ADAMTSL3: variants seen among roughly 807,000 people sequenced by gnomAD.
ADAMTSL3 encodes ADAMTS-like protein 3.
Under a neutral mutation model 201.7 loss-of-function variants are expected in ADAMTSL3, and 128 were observed. The observed-to-expected ratio is 0.63, with a 90% CI of 0.55 to 0.73. ADAMTSL3 has a LOEUF of 0.73. ADAMTSL3 is among the 30% of genes least tolerant of loss of function. The pLI is 0.00. For synonymous variants in ADAMTSL3, 738 were observed against 748.4 expected, an observed-to-expected ratio of 0.99 and a Z score of 0.23; for missense variants, 1,990 against 2,119.6, an observed-to-expected ratio of 0.94 and a Z score of 1.20.
At chr15:83,829,312 G>T (rs143248662) in intron 6 of ADAMTSL3, among the ~76,000 whole-genome samples, 7,970 of 152,152 alleles carry the variant, frequency 0.052, 242 homozygotes, top group East Asian at 0.14. Flanking sequence ...GTTTATTTGC[G>T]TAGAGCTGTT....
rs566194085 is a variant in ADAMTSL3 at position 83,949,626 on chromosome 15, A to C, written c.2490+6544A>C. On this transcript the variant is annotated intron_variant, in intron 19 of 29. Transcript: ENST00000286744. ...AGTTGTTTTAATTAACATTCCCACC[A>C]ACAATGTACAAGGGTTCCCTTTTCT... Among the ~76,000 whole-genome samples, 3 of 152,050 alleles carry C rather than the reference A, an allele frequency of 2.0e-5. No homozygotes were observed. In the South Asian group the frequency reaches 6.2e-4, roughly 32 times the overall value.
At chr15:83,902,526 C>A (rs1031468443) in intron 15 of ADAMTSL3, among the ~76,000 whole-genome samples, 3 of 152,100 alleles carry the variant, frequency 2.0e-5, no homozygotes, top group Non-Finnish European at 4.4e-5. Context: ...CGCCTCAGCC[C>A]CACAAAGTGC....
At chr15:84,001,422 A>G (rs970999374) in intron 23 of ADAMTSL3, among the ~76,000 whole-genome samples, 1 of 152,262 alleles carries the variant, frequency 6.6e-6, no homozygotes. Flanking sequence ...ACAGCATACA[A>G]AGTGGATATT....
chr15:83,898,647 T>G (rs12906247), intron 14 of ADAMTSL3, among the ~76,000 whole-genome samples: 21,093 of 152,190 alleles, frequency 0.14, 1,902 homozygotes, highest in Middle Eastern at 0.33. Flanking sequence ...GGATTTGGCA[T>G]CAGCTCTCTG....
chr15:84,016,408 C>G lies in ADAMTSL3; in HGVS notation c.4182C>G (p.Ile1394Met). Residue 1394 changes from isoleucine (I) to methionine (M), a missense_variant, in exon 25 of 30, where the codon ATC (isoleucine) becomes ATG (methionine). Physicochemically the swap from Ile to Met is conservative, Grantham distance 10 (BLOSUM62 1). Coordinates refer to ENST00000286744, the MANE Select transcript of ADAMTSL3 (RefSeq NM_207517.3). ...AACGAAGATGGCCAGAGAGTAGAAT[C>G]GTATTTCTGCAAGGACATAAAAAGT... ...LLERRWPESR[I>M]VFLQGHKKYI... 1 of 1,613,660 alleles carries G rather than the reference C, an allele frequency of 6.2e-7. No individual in the cohort carries two copies. The highest frequency in any genetic ancestry group is 8.5e-7 in the Non-Finnish European group (1 of 1,179,816).
intron 23 of ADAMTSL3, among the ~76,000 whole-genome samples, chr15:84,002,723 A>G (rs1439933681): frequency 6.6e-6 from 1 of 152,094 alleles, no homozygotes; most frequent in East Asian, 1.9e-4. Flanking sequence ...AAAGACCTCT[A>G]TGCTTTGCAA....
chr15:84,030,368 C>T (rs1012820541), intron 27 of ADAMTSL3, among the ~76,000 whole-genome samples: 21 of 152,170 alleles, frequency 1.4e-4, no homozygotes, highest in African/African-American at 3.9e-4. Flanking sequence ...ATGGAAGACA[C>T]GGGGTCATGT....
At chr15:83,787,376 G>C (rs77646178) in intron 4 of ADAMTSL3, among the ~76,000 whole-genome samples, 6,808 of 152,190 alleles carry the variant, frequency 0.045, 489 homozygotes, top group African/African-American at 0.15. Context: ...AATTAATAGA[G>C]AAATGAAGTA....
chr15:83,673,399 T>A (rs1216684134), intron 2 of ADAMTSL3, among the ~76,000 whole-genome samples: 1 of 152,118 alleles, frequency 6.6e-6, no homozygotes, highest in Non-Finnish European at 1.5e-5. Context: ...CTATCCTCAG[T>A]TTTTCCCCAG....
chr15:83,712,384 G>A (rs569693317), intron 3 of ADAMTSL3, among the ~76,000 whole-genome samples: 5 of 152,306 alleles, frequency 3.3e-5, no homozygotes, highest in South Asian at 2.1e-4. Context: ...TCTCTTGCAG[G>A]CCTCACCAGT....
At chr15:83,829,919 C>T (rs897923729) in intron 6 of ADAMTSL3, among the ~76,000 whole-genome samples, 1 of 152,148 alleles carries the variant, frequency 6.6e-6, no homozygotes, top group African/African-American at 2.4e-5. Context: ...TGTTCTTTTA[C>T]ATTTGCTGAA....
chr15:83,929,699 C>CAG (rs1555461707), intron 17 of ADAMTSL3, among the ~76,000 whole-genome samples: 248 of 150,338 alleles, frequency 1.6e-3, no homozygotes, highest in African/African-American at 4.4e-3. Context: ...CACACACACA[C>CAG]AGAGAGAGAC....
At chr15:83,810,927 C>T (rs1386968778) in intron 5 of ADAMTSL3, among the ~76,000 whole-genome samples, 7 of 152,058 alleles carry the variant, frequency 4.6e-5, no homozygotes, top group African/African-American at 1.7e-4. Flanking sequence ...TTAGTAGAAA[C>T]AGGGTTTCAC....
chr15:83,878,435 G>A lies in ADAMTSL3; in HGVS notation c.961-6666G>A, dbSNP rs374463510. Among the ~76,000 whole-genome samples, 10 of 152,250 alleles carry A rather than the reference G, an allele frequency of 6.6e-5. No homozygotes were observed. The East Asian group carries it at 1.5e-3, about 24-fold the overall frequency. The stretch of plus-strand genomic sequence containing the variant: ...TTGAGACCAGCCTGGCTAACACGGT[G>A]AAACTCTGTCTCTACTAAAATACAA... On this transcript the variant is annotated intron_variant, in intron 9 of 29. Coordinates refer to ENST00000286744, the MANE Select transcript of ADAMTSL3 (RefSeq NM_207517.3).
intron 9 of ADAMTSL3, among the ~76,000 whole-genome samples, chr15:83,881,110 C>T (rs192346511): frequency 1.1e-3 from 173 of 152,332 alleles, no homozygotes; most frequent in Non-Finnish European, 2.0e-3. Context: ...GTCTAACACT[C>T]TTCCAACTGG....
intron 19 of ADAMTSL3, among the ~76,000 whole-genome samples, chr15:83,965,047 G>A (rs559848272): frequency 6.6e-6 from 1 of 152,112 alleles, no homozygotes; most frequent in African/African-American, 2.4e-5. Context: ...AGGAACAACC[G>A]GTACCAGCCA....
At chr15:84,020,314 T>C (rs1392364054) in intron 25 of ADAMTSL3, among the ~76,000 whole-genome samples, 1 of 152,178 alleles carries the variant, frequency 6.6e-6, no homozygotes, top group Non-Finnish European at 1.5e-5. Context: ...CTCAGTTTCA[T>C]TCAGTTTCCA....
chr15:83,763,532 T>G (rs562724002), intron 3 of ADAMTSL3, among the ~76,000 whole-genome samples: 3 of 146,248 alleles, frequency 2.1e-5, no homozygotes, highest in Non-Finnish European at 4.5e-5. Context: ...TGAGACAGAG[T>G]CTCGCTCTGT....
Position 83,975,291 on chromosome 15 carries a change from T to C in ADAMTSL3, c.2644+4654T>C, listed in dbSNP as rs146625898. ...TGCTGGGATTACAGGCGTGAGCCAC[T>C]GCACCTGGCCAGCCTGCGTCTTTAG... On this transcript the variant is annotated intron_variant, in intron 20 of 29. Coordinates refer to ENST00000286744, the MANE Select transcript of ADAMTSL3 (RefSeq NM_207517.3). 1.5e-3 allele frequency among the ~76,000 whole-genome samples: 230 copies of C among 152,206 alleles called. 6 individuals carry two copies. The South Asian group carries it at 0.042, about 28-fold the overall frequency.
Sources: allele counts gnomAD v4.1 joint callset (sites outside exome capture counted in the v4.1 genomes callset), GRCh38; gene constraint gnomAD v4.1.1; transcripts MANE v1.5; gene names NCBI Gene and HGNC (gene_info 2026-07-23, HGNC 2026-07-21).